PLEKHA8: variants seen among roughly 807,000 people sequenced by gnomAD.
The protein encoded by PLEKHA8 is pleckstrin homology domain containing A8.
In PLEKHA8, 36 loss-of-function variants were observed where a neutral mutation model predicts 68.2. The ratio of observed to expected loss-of-function variants is 0.53; its 90% CI spans 0.40 to 0.70. PLEKHA8 has a LOEUF of 0.70. Ranked by LOEUF, PLEKHA8 falls within the 30% of genes least tolerant of loss-of-function variation. PLEKHA8 has a pLI of 0.00. For missense variants in PLEKHA8, 505 were observed against 615.4 expected (o/e 0.82, Z 1.90); for synonymous variants, 211 against 216.1 (o/e 0.98, Z 0.20).
At chr7:30,056,381 TA>T (rs1792928950) in intron 9 of PLEKHA8, among the ~76,000 whole-genome samples, 1 of 142,170 alleles carries the variant, frequency 7.0e-6, no homozygotes, top group African/African-American at 2.6e-5. Context: ...AAATAACATA[TA>T]TATAATATAT....
chr7:30,048,593 A>C, intron 4 of PLEKHA8, among the ~76,000 whole-genome samples: 1 of 152,366 alleles, frequency 6.6e-6, no homozygotes, highest in South Asian at 2.1e-4. Flanking sequence ...GTGTTAAGCT[A>C]TGTATAGAAT....
chr7:30,113,514 G>C (rs1796335570), intron 13 of PLEKHA8, among the ~76,000 whole-genome samples: 1 of 152,016 alleles, frequency 6.6e-6, no homozygotes, highest in Non-Finnish European at 1.5e-5. Context: ...TTGTTTTGTG[G>C]TCTGCAGTTT....
At chr7:30,045,879 A>AAC (rs539289283) in intron 2 of PLEKHA8, among the ~76,000 whole-genome samples, 15 of 152,232 alleles carry the variant, frequency 9.9e-5, no homozygotes, top group South Asian at 4.1e-4. Context: ...CAGCCTACTT[A>AAC]ACACACACAC....
At chr7:30,103,035 C>T (rs919982667) in intron 13 of PLEKHA8, among the ~76,000 whole-genome samples, 4 of 152,130 alleles carry the variant, frequency 2.6e-5, no homozygotes, top group African/African-American at 9.7e-5. Flanking sequence ...GCCCTCTGCA[C>T]TTCAGCCTGA....
At chr7:30,104,886 C>A (rs1168963880) in intron 13 of PLEKHA8, among the ~76,000 whole-genome samples, 3 of 151,982 alleles carry the variant, frequency 2.0e-5, no homozygotes, top group African/African-American at 7.2e-5. Flanking sequence ...CCACACCCAG[C>A]TAATTTTTGC....
intron 1 of PLEKHA8, among the ~76,000 whole-genome samples, chr7:30,030,561 C>A (rs1790583633): frequency 6.6e-6 from 1 of 152,170 alleles, no homozygotes; most frequent in Non-Finnish European, 1.5e-5. Context: ...AGGGTGGAAA[C>A]CCTGAAGAAG....
intron 1 of PLEKHA8, among the ~76,000 whole-genome samples, chr7:30,035,474 T>G (rs2127960352): frequency 6.6e-6 from 1 of 152,296 alleles, no homozygotes; most frequent in Middle Eastern, 3.4e-3. Context: ...GTATTCAGCT[T>G]TCTATTTGCA....
chr7:30,073,563 T>TAAAAAAAAAAAAAAAAAAAAA (rs35738941), intron 12 of PLEKHA8, among the ~76,000 whole-genome samples: 52 of 111,758 alleles, frequency 4.7e-4, no homozygotes, highest in African/African-American at 1.5e-3. Context: ...TTGTGTTTCT[T>TAAAAAAAAAAAAAAAAAAAAA]AAAAAAAAAA....
At chr7:30,061,254 G>C (rs943667885) in intron 10 of PLEKHA8, among the ~76,000 whole-genome samples, 4 of 152,038 alleles carry the variant, frequency 2.6e-5, no homozygotes, top group African/African-American at 9.7e-5. Flanking sequence ...GCTTTTTTAG[G>C]TTTAAATGGT....
In PLEKHA8 at chr7:30,062,708, GA is replaced by G; in HGVS notation, c.1271del (p.Asn424MetfsTer10). 6.2e-7 allele frequency: 1 copy of G among 1,613,014 alleles called. No homozygotes were observed. Among genetic ancestry groups the G allele is most frequent in the Non-Finnish European group, 8.5e-7 (1 of 1,179,284 alleles). ...TTTTGAAGGGATTTTTGACAGAAGT[GA>G]AAAATGGGGAGAAGGATATCCAGAC... ...KFLKGFLTEV[K>X]NGEKDIQTAL... On this transcript the variant is annotated frameshift_variant, in exon 12 of 14. Transcript: ENST00000449726. LOFTEE classifies it high-confidence loss of function.
At chr7:30,036,117 G>A (rs893036720) in intron 1 of PLEKHA8, among the ~76,000 whole-genome samples, 5 of 152,002 alleles carry the variant, frequency 3.3e-5, no homozygotes, top group Admixed American at 1.3e-4. Flanking sequence ...TTAGCTGGGC[G>A]TGATGGCACA....
Position 30,084,499 on chromosome 7 carries a change from G to A in PLEKHA8, c.*5712G>A. 1.0e-6 allele frequency: 1 copy of A among 985,256 alleles called. No individual in the cohort carries two copies. 61.0% of individuals were successfully genotyped at this position (985,256 alleles called of 1,614,324 possible). A position where few individuals can be genotyped will look rare whatever the true frequency, so the allele number is the denominator to read the frequency against. On this transcript the variant is annotated 3_prime_UTR_variant, in exon 14 of 14. Coordinates refer to ENST00000449726, the MANE Select transcript of PLEKHA8 (RefSeq NM_001197026.2). ...ACCAACCGATGAGCGACAGTTTCAT[G>A]TTTAGATTTGTATTGTTTCTCTGTC...
intron 12 of PLEKHA8, among the ~76,000 whole-genome samples, chr7:30,070,546 GC>G (rs1794165378): frequency 2.1e-5 from 3 of 145,380 alleles, no homozygotes. Context: ...CGAATCCAGA[GC>G]TTTTTTTTTT....
intron 6 of PLEKHA8, 174 bp downstream of exon 6, chr7:30,050,648 C>A: frequency 1.2e-6 from 1 of 855,196 alleles, no homozygotes; most frequent in Non-Finnish European, 1.7e-6. Context: ...CAACCCAGAG[C>A]AGACCTTTTA....
At chr7:30,071,195 T>C (rs1354299763) in intron 12 of PLEKHA8, among the ~76,000 whole-genome samples, 3 of 152,224 alleles carry the variant, frequency 2.0e-5, no homozygotes, top group Non-Finnish European at 4.4e-5. Context: ...ATAAATGTTA[T>C]ATTTTTCAAA....
intron 1 of PLEKHA8, among the ~76,000 whole-genome samples, chr7:30,034,842 A>C (rs931913904): frequency 5.3e-5 from 8 of 152,104 alleles, no homozygotes; most frequent in Admixed American, 5.2e-4. Context: ...GCAACACAAA[A>C]GTTTTAAATT....
intron 13 of PLEKHA8, among the ~76,000 whole-genome samples, chr7:30,112,298 C>T (rs966732188): frequency 6.6e-6 from 1 of 151,690 alleles, no homozygotes; most frequent in African/African-American, 2.4e-5. Flanking sequence ...ACGATTTTCA[C>T]GACTCAGCAT....
Position 30,081,201 on chromosome 7 carries a change from G to A in PLEKHA8, c.*2414G>A. On this transcript the variant is annotated 3_prime_UTR_variant, in exon 14 of 14. Transcript: ENST00000449726. ...AGATCAGACAGAATAGCTTGAATAA[G>A]TTACATTTTCCAATTACCCTTTTTC... 1 of 985,334 alleles carries A rather than the reference G, an allele frequency of 1.0e-6. No homozygotes were observed. The highest frequency in any genetic ancestry group is 1.2e-6 in the Non-Finnish European group (1 of 829,900). The allele number at this position is 985,334 out of a possible 1,614,324, so 61.0% of individuals were successfully genotyped here.
chr7:30,097,886 G>C (rs1212107789), intron 13 of PLEKHA8, among the ~76,000 whole-genome samples: 3 of 152,222 alleles, frequency 2.0e-5, no homozygotes, highest in Non-Finnish European at 4.4e-5. Context: ...CGTTCCTTTG[G>C]AGGAGGAGAG....
Sources: gnomAD v4.1 joint callset for allele counts (sites outside exome capture counted in the v4.1 genomes callset) on GRCh38, gnomAD v4.1.1 for gene constraint, MANE v1.5 for transcripts, NCBI Gene and HGNC (gene_info 2026-07-23, HGNC 2026-07-21) for gene names.